The following ELN variants were observed in gnomAD, a reference collection of about 807,000 sequenced individuals.
ELN encodes tropoelastin.
In ELN, 65 loss-of-function variants were observed where a neutral mutation model predicts 105.8. The ratio of observed to expected loss-of-function variants is 0.61; its 90% CI spans 0.50 to 0.75. The LOEUF (loss-of-function observed/expected upper bound fraction) is 0.75, where lower values mean the gene tolerates loss of function less well. ELN is among the 30% of genes least tolerant of loss of function. The probability of loss-of-function intolerance (pLI) is 0.00; values close to 1 mark genes in which losing one functional copy is unlikely to be tolerated. For missense variants in ELN, 882 were observed against 969.4 expected, an observed-to-expected ratio of 0.91 and a Z score of 1.20; for synonymous variants, 368 against 389.2, an observed-to-expected ratio of 0.95 and a Z score of 0.64.
At position 74,066,016 on chromosome 7, in the gene ELN, G is replaced by C; in HGVS notation, c.2086+19G>C. ...CTTGGAGGTAGGGGTGGCCAGCTCT[G>C]CTACGTAGTCCTCAGCTCTGTCCCG... On this transcript the variant is annotated intron_variant, in intron 31 of 32. Coordinates refer to ENST00000252034, the MANE Select transcript of ELN (RefSeq NM_000501.4). 1 of 1,614,058 alleles carries C rather than the reference G, an allele frequency of 6.2e-7. No homozygotes were observed. Among genetic ancestry groups the C allele is most frequent in the South Asian group, 1.1e-5 (1 of 91,078 alleles).
chr7:74,033,696 C>T (rs1165065608), intron 1 of ELN, among the ~76,000 whole-genome samples: 2 of 152,234 alleles, frequency 1.3e-5, no homozygotes, highest in Non-Finnish European at 2.9e-5. Flanking sequence ...GGCCCTGGGG[C>T]CAGCAAGCCC....
At chr7:74,046,074 G>A in intron 10 of ELN, 114 bp from the exon 11 acceptor site, 4 of 1,415,464 alleles carry the variant, frequency 2.8e-6, no homozygotes, top group Non-Finnish European at 3.0e-6. Context: ...AGCGCAGCAT[G>A]CGATGACTGG....
chr7:74,042,537 C>A, intron 5 of ELN, 77 bp from the exon 6 acceptor site: 1 of 1,376,872 alleles, frequency 7.3e-7, no homozygotes, highest in Non-Finnish European at 1.0e-6. Flanking sequence ...GAGTGGGGCA[C>A]AGCCAGGCAG....
At position 74,057,898 on chromosome 7, in the gene ELN, G is replaced by A. The variant is rs533300557; in HGVS notation, c.1414+202G>A. 6.6e-5 allele frequency among the ~76,000 whole-genome samples: 10 copies of A among 152,232 alleles called. No individual in the cohort carries two copies. In the East Asian group the frequency reaches 1.7e-3, roughly 27 times the overall value. On this transcript the variant is annotated intron_variant, in intron 22 of 32. Transcript: ENST00000252034. ...GTGATGTTTCTGATTAGGGGAGCAG[G>A]GTGAGCAGTGTGAGCCTCCCTGTTC...
chr7:74,037,442 C>T (rs1472598091), intron 3 of ELN, among the ~76,000 whole-genome samples: 1 of 151,396 alleles, frequency 6.6e-6, no homozygotes, highest in Non-Finnish European at 1.5e-5. Context: ...GATCCGCCTG[C>T]CTCAGCTTCC....
chr7:74,065,772 C>G, intron 30 of ELN, 40 bp downstream of exon 30: 8 of 1,613,640 alleles, frequency 5.0e-6, no homozygotes, highest in Non-Finnish European at 5.9e-6. Flanking sequence ...GTGGCCTGCA[C>G]CCCCTGCCAT....
chr7:74,048,594 G>A (rs1793124746), intron 15 of ELN, 38 bp downstream of exon 15: 1 of 1,612,304 alleles, frequency 6.2e-7, no homozygotes, highest in Non-Finnish European at 8.5e-7. Context: ...TGGCCTCCAG[G>A]CCCCTAGCCT....
intron 30 of ELN, 61 bp downstream of exon 30, chr7:74,065,793 A>AC: frequency 1.2e-6 from 2 of 1,610,708 alleles, no homozygotes; most frequent in Non-Finnish European, 1.7e-6. Context: ...GCCCATCGCC[A>AC]CCCTCCCCCA....
Position 74,035,394 on chromosome 7 carries a change from C to T in ELN, c.113C>T (p.Pro38Leu). ...CCTGGGGCCATTCCTGGTGGAGTTC[C>T]TGGAGGAGTCTTTTATCCAGGTAAC... is the stretch of plus-strand genomic sequence containing the variant. ...GVPGAIPGGVPGGVFYPGAGL... is the reference protein window; with the variant it reads ...GVPGAIPGGVLGGVFYPGAGL... The change falls in exon 2 of 33, where the codon CCT (proline) becomes CTT (leucine). Residue 38 changes from proline to leucine, a missense_variant. Transcript: ENST00000252034. The T allele has an allele frequency of 6.2e-7, 1 of 1,614,084 alleles. No homozygotes were observed. Among genetic ancestry groups the T allele is most frequent in the Non-Finnish European group, 8.5e-7 (1 of 1,180,006 alleles).
At position 74,042,645 on chromosome 7, in the gene ELN, G is replaced by C; in HGVS notation, c.264G>C (p.Pro88=). Residue 88 remains proline, a synonymous_variant, in exon 6 of 33, where the codon CCG becomes CCC. Coordinates refer to ENST00000252034, the MANE Select transcript of ELN (RefSeq NM_000501.4). ...GCGCCTTCCCCGCAGTTACCTTTCC[G>C]GGGGCTCTGGTGCCTGGTGGAGTGG... ...GLGAFPAVTF[P]GALVPGGVAD... 3 of 1,613,524 alleles carry C rather than the reference G, an allele frequency of 1.9e-6. No individual in the cohort carries two copies. The highest frequency in any genetic ancestry group is 2.5e-6 in the Non-Finnish European group (3 of 1,179,988).
rs551257902 is a variant in ELN, at chr7:74,063,885, T to G, written c.1993+190T>G. ...TAGTAGGCCAAGGTGGGCGGATCAC[T>G]AGAGGTGAGGAGTTTGAGACCAGCC... On this transcript the variant is annotated intron_variant, in intron 29 of 32. Coordinates refer to ENST00000252034, the MANE Select transcript of ELN (RefSeq NM_000501.4). The surrounding 1 kb of genome is among the most constrained non-coding windows in gnomAD (Gnocchi z 4.1). 6.7e-6 allele frequency among the ~76,000 whole-genome samples: 1 copy of G among 150,370 alleles called. No homozygotes were observed. Among genetic ancestry groups the G allele is most frequent in the East Asian group, 2.0e-4 (1 of 5,026 alleles).
At chr7:74,065,106 G>C (rs782221426) in intron 29 of ELN, among the ~76,000 whole-genome samples, 4 of 152,036 alleles carry the variant, frequency 2.6e-5, no homozygotes, top group African/African-American at 7.2e-5. Context: ...TTAAAAATTA[G>C]CTGGGCGTGG....
rs1257849523 is a variant in ELN at position 74,048,185 on chromosome 7, T to C, written c.729T>C (p.Gly243=). 4 of 1,613,760 alleles carry C rather than the reference T, an allele frequency of 2.5e-6. No individual in the cohort carries two copies. Among genetic ancestry groups the C allele is most frequent in the Non-Finnish European group, 3.4e-6 (4 of 1,179,924 alleles). The change falls in exon 14 of 33, where the codon GGT becomes GGC. Residue 243 remains glycine, a synonymous_variant. Coordinates refer to ENST00000252034, the MANE Select transcript of ELN (RefSeq NM_000501.4). ...TGGCTGGTGCAGCGGGCAAGGCTGG[T>C]TACCCAACAGGGACAGGTAAGGAAA... is the stretch of plus-strand genomic sequence containing the variant. ...GGVAGAAGKA[G]YPTGTGVGPQ...
intron 3 of ELN, 39 bp from the exon 4 acceptor site, chr7:74,037,668 C>A: frequency 6.2e-7 from 1 of 1,605,474 alleles, no homozygotes; most frequent in Non-Finnish European, 8.5e-7. Flanking sequence ...GATGGATAAG[C>A]TGGGCCACCC....
chr7:74,057,379 G>C (rs782509254), intron 21 of ELN: 1 of 1,497,368 alleles, frequency 6.7e-7, no homozygotes, highest in South Asian at 1.4e-5. Context: ...TCCACTCCCC[G>C]AGGTGCTGCA....
At chr7:74,061,020 A>G in intron 25 of ELN, 81 bp from the exon 26 acceptor site, 1 of 1,552,388 alleles carries the variant, frequency 6.4e-7, no homozygotes, top group South Asian at 1.1e-5. Context: ...GAAGTCAGGG[A>G]GGGCTCTCTA....
chr7:74,048,434 G>C, intron 14 of ELN, 69 bp from the exon 15 acceptor site: 2 of 1,611,476 alleles, frequency 1.2e-6, no homozygotes, highest in Non-Finnish European at 1.7e-6. Flanking sequence ...CTTGGGGCTG[G>C]GAACAAGTGG....
At chr7:74,057,506 G>A (rs1554681013) in intron 21 of ELN, 134 bp from the exon 22 acceptor site, 1 of 1,593,556 alleles carries the variant, frequency 6.3e-7, no homozygotes, top group Admixed American at 1.7e-5. Flanking sequence ...GGTTTGGTTT[G>A]TCTCATGGAA....
chr7:74,060,109 T>A (rs1437174539), intron 23 of ELN, 31 bp from the exon 24 acceptor site: 3 of 1,613,972 alleles, frequency 1.9e-6, no homozygotes, highest in South Asian at 1.1e-5. Flanking sequence ...CCCGCCTCCA[T>A]CTCTAATCCC....
Sources: allele counts gnomAD v4.1 joint callset (sites outside exome capture counted in the v4.1 genomes callset), GRCh38; gene constraint gnomAD v4.1.1; non-coding constraint Gnocchi (gnomAD v3.1); transcripts MANE v1.5; gene names NCBI Gene and HGNC (gene_info 2026-07-23, HGNC 2026-07-21).